The following KCP variants were observed in gnomAD, a reference collection of about 807,000 sequenced individuals.
The protein encoded by KCP is kielin cysteine rich BMP regulator.
KCP carries 194 observed loss-of-function variants against 212.7 expected under a neutral mutation model. That is an observed-to-expected ratio of 0.91 (90% CI 0.81 to 1.03). The LOEUF (loss-of-function observed/expected upper bound fraction) is 1.03. Among genes scored for constraint, KCP ranks in the 50% least tolerant of loss-of-function variants. The pLI is 0.00. For synonymous variants in KCP, 833 were observed against 865.3 expected (o/e 0.96, Z 0.65); for missense variants, 2,080 against 2,162.5 (o/e 0.96, Z 0.76).
Position 128,904,051 on chromosome 7 carries a change from C to T in KCP, c.654+5G>A, listed in dbSNP as rs1794998169. 2 of 1,551,214 alleles carry T rather than the reference C, an allele frequency of 1.3e-6. No homozygotes were observed. Among genetic ancestry groups the T allele is most frequent in the East Asian group, 2.4e-5 (1 of 40,900 alleles). Reference sequence around the variant, plus strand: ...GGCCTGGGCAGAGGGGACAGGTGGACTCACCAGGCAGGTGCACTGTAGACA... The same window carrying T: ...GGCCTGGGCAGAGGGGACAGGTGGATTCACCAGGCAGGTGCACTGTAGACA... On this transcript the variant is annotated splice_donor_5th_base_variant and intron_variant, in intron 6 of 39. Transcript: ENST00000610776.
intron 8 of KCP, among the ~76,000 whole-genome samples, chr7:128,895,911 C>G (rs911374960): frequency 2.0e-5 from 3 of 152,234 alleles, no homozygotes; most frequent in African/African-American, 7.2e-5. Flanking sequence ...CAGGGCTGCT[C>G]TGTCTATGGA....
At chr7:128,907,747 A>G (rs762737709) in intron 2 of KCP, among the ~76,000 whole-genome samples, 1 of 152,228 alleles carries the variant, frequency 6.6e-6, no homozygotes, top group Non-Finnish European at 1.5e-5. Context: ...ATTCCATAAC[A>G]TTCCCCAAAT....
At position 128,903,106 on chromosome 7, in the gene KCP, A is replaced by C. The variant is rs928804819; in HGVS notation, c.749-247T>G. 1.1e-5 allele frequency: 6 copies of C among 548,306 alleles called. No homozygotes were observed. In the East Asian group the frequency reaches 1.8e-4, roughly 17 times the overall value. 34.0% of individuals were successfully genotyped at this position (548,306 alleles called of 1,614,324 possible). A position where few individuals can be genotyped will look rare whatever the true frequency, so the allele number is the denominator to read the frequency against. On this transcript the variant is annotated intron_variant, in intron 7 of 39. Transcript: ENST00000610776. ...GAGCATAGCCACACCCATGTGCCCC[A>C]CCTATCTCTGGCCCCTCGTCACCTC...
At chr7:128,899,077 C>T (rs1794689735) in intron 8 of KCP, among the ~76,000 whole-genome samples, 1 of 152,122 alleles carries the variant, frequency 6.6e-6, no homozygotes, top group Non-Finnish European at 1.5e-5. Context: ...GTATAAAAGT[C>T]ATATGGGAAG....
At chr7:128,899,871 C>A (rs953118521) in intron 8 of KCP, among the ~76,000 whole-genome samples, 1 of 152,166 alleles carries the variant, frequency 6.6e-6, no homozygotes, top group African/African-American at 2.4e-5. Flanking sequence ...CTTAAGGAAT[C>A]AAATTTGACT....
At position 128,891,552 on chromosome 7, in the gene KCP, A is replaced by G. The variant is rs529955396; in HGVS notation, c.1796-19T>C. Reference sequence around the variant, plus strand: ...GCACAGCCTGGGGGAGGGAGGGGCTATAGCCTGGGAGAGGGCGACTGCCCC... The same window carrying G: ...GCACAGCCTGGGGGAGGGAGGGGCTGTAGCCTGGGAGAGGGCGACTGCCCC... On this transcript the variant is annotated intron_variant, in intron 17 of 39. Coordinates refer to ENST00000610776, the MANE Select transcript of KCP (RefSeq NM_001366122.1). 1.3e-6 allele frequency: 2 copies of G among 1,545,010 alleles called. No homozygotes were observed. Among genetic ancestry groups the G allele is most frequent in the African/African-American group, 2.7e-5 (2 of 73,092 alleles).
In KCP at chr7:128,878,490, G is replaced by A. The variant is rs751689915; in HGVS notation, c.4311+68C>T. The A allele has an allele frequency of 4.1e-6, 6 of 1,466,190 alleles. No individual in the cohort carries two copies. The African/African-American group carries it at 4.2e-5, about 10-fold the overall frequency. The allele number at this position is 1,466,190 out of a possible 1,614,324, so 90.8% of individuals were successfully genotyped here. A position where few individuals can be genotyped will look rare whatever the true frequency, so the allele number is the denominator to read the frequency against. On this transcript the variant is annotated intron_variant, in intron 38 of 39. Transcript: ENST00000610776. ...CCCTTCCCTGCTTTCCATGCCAGAG[G>A]GTTGCTCTGAGACTCATGCTCAGCT...
intron 7 of KCP, chr7:128,903,158 A>G: frequency 2.2e-6 from 1 of 455,210 alleles, no homozygotes; most frequent in Non-Finnish European, 3.9e-6. Flanking sequence ...AACATTGCAC[A>G]CTCACCCTCC....
chr7:128,899,844 GTAAGGAATCATGATTCCT>G (rs1241296779), intron 8 of KCP, among the ~76,000 whole-genome samples: 11 of 152,312 alleles, frequency 7.2e-5, no homozygotes, highest in African/African-American at 2.4e-4. Flanking sequence ...AAGGAATCAT[GTAAGGAATCATGATTCCT>G]TAAGGAATCA....
intron 8 of KCP, among the ~76,000 whole-genome samples, chr7:128,901,570 G>A (rs753921606): frequency 6.6e-6 from 1 of 151,824 alleles, no homozygotes; most frequent in East Asian, 1.9e-4. Context: ...AGCTTGCCGT[G>A]AGCCAAGATC....
Position 128,886,637 on chromosome 7 carries a change from C to T in KCP, c.2772+18G>A. ...TATGGTCCAGCTGTCACTCCACACC[C>T]CCCACCTCCTGCTATACCTGACAGC... On this transcript the variant is annotated intron_variant, in intron 25 of 39. Transcript: ENST00000610776. 1 of 1,551,366 alleles carries T rather than the reference C, an allele frequency of 6.4e-7. No individual in the cohort carries two copies. Among genetic ancestry groups the T allele is most frequent in the Non-Finnish European group, 8.7e-7 (1 of 1,146,832 alleles).
intron 22 of KCP, among the ~76,000 whole-genome samples, chr7:128,887,557 CACAT>C (rs753025875): frequency 1.2e-4 from 18 of 150,486 alleles, no homozygotes; most frequent in Non-Finnish European, 2.2e-4. Context: ...CTGCCACTGT[CACAT>C]ACACACACAG....
Position 128,891,769 on chromosome 7 carries a change from G to T in KCP, c.1672C>A (p.Pro558Thr). 2.1e-6 allele frequency: 3 copies of T among 1,450,440 alleles called. No individual in the cohort carries two copies. The highest frequency in any genetic ancestry group is 2.7e-6 in the Non-Finnish European group (3 of 1,099,570). 89.8% of individuals were successfully genotyped at this position (1,450,440 alleles called of 1,614,324 possible). A position where few individuals can be genotyped will look rare whatever the true frequency, so the allele number is the denominator to read the frequency against. ...CGGCACTCCTGGCAGGGGTCTCGGG[G>T]GTGGGAGAAGCTCTCGCCGTCCACA... ...VFVDGESFSH[P>T]RDPCQECRCQ... The change falls in exon 17 of 40, where the codon CCC becomes ACC. Residue 558 changes from proline to threonine, a missense_variant. Transcript: ENST00000610776.
At chr7:128,880,239 C>A in intron 34 of KCP, 147 bp downstream of exon 34, 1 of 1,283,946 alleles carries the variant, frequency 7.8e-7, no homozygotes, top group Non-Finnish European at 1.1e-6. Context: ...GGCACCACAT[C>A]GTGGTCGCAC....
At chr7:128,909,693 C>T (rs1255585776) in intron 1 of KCP, among the ~76,000 whole-genome samples, 2 of 152,170 alleles carry the variant, frequency 1.3e-5, no homozygotes, top group Non-Finnish European at 1.5e-5. Flanking sequence ...CTGAATCACA[C>T]AGCCGAAGTC....
At chr7:128,881,552 C>T (rs1485310931) in intron 31 of KCP, 74 bp downstream of exon 31, 7 of 1,082,196 alleles carry the variant, frequency 6.5e-6, no homozygotes, top group Non-Finnish European at 8.9e-6. Flanking sequence ...GCCCGCTTGG[C>T]CCATGAATGC....
At chr7:128,883,854 A>G in intron 29 of KCP, 148 bp downstream of exon 29, 12 of 975,626 alleles carry the variant, frequency 1.2e-5, no homozygotes, top group Non-Finnish European at 1.7e-5. Flanking sequence ...TCCCTTAGGG[A>G]TGGTGCAGCC....
intron 11 of KCP, 35 bp from the exon 12 acceptor site, chr7:128,893,511 C>T: frequency 6.9e-7 from 1 of 1,452,356 alleles, no homozygotes; most frequent in Non-Finnish European, 9.5e-7. Context: ...GGGTATAGGG[C>T]TGGAGGCAGA....
In KCP at chr7:128,893,406, G is replaced by A; in HGVS notation, c.1170C>T (p.Val390=). The change falls in exon 12 of 40, where the codon GTC becomes GTT. Residue 390 remains valine (V), a synonymous_variant. Transcript: ENST00000610776. The part of the protein sequence containing the change: ...TFRLQERGLC[V]RCSCQAGEVS... Reference sequence around the variant, plus strand: ...GACCGCCTACCTGGCAGGAGCAGCGGACACAGAGGCCCCGCTCTTGGAGTC... The same window carrying A: ...GACCGCCTACCTGGCAGGAGCAGCGAACACAGAGGCCCCGCTCTTGGAGTC... 1 of 1,551,670 alleles carries A rather than the reference G, an allele frequency of 6.4e-7. No homozygotes were observed. The highest frequency in any genetic ancestry group is 8.7e-7 in the Non-Finnish European group (1 of 1,146,954).
Sources: allele counts gnomAD v4.1 joint callset (sites outside exome capture counted in the v4.1 genomes callset), GRCh38; gene constraint gnomAD v4.1.1; transcripts MANE v1.5; gene names NCBI Gene and HGNC (gene_info 2026-07-23, HGNC 2026-07-21).